Variants in GSG1L observed in about 807,000 individuals in gnomAD.
GSG1L encodes germ cell-specific gene 1-like protein.
Under a neutral mutation model 42.1 loss-of-function variants are expected in GSG1L, and 24 were observed. The ratio of observed to expected loss-of-function variants is 0.57; its 90% CI spans 0.41 to 0.80. The LOEUF is 0.80. Among genes scored for constraint, GSG1L ranks in the 30% least tolerant of loss-of-function variants. The probability of loss-of-function intolerance (pLI) is 0.00; values close to 1 mark genes in which losing one functional copy is unlikely to be tolerated. For missense variants in GSG1L, 445 were observed against 472.2 expected (o/e 0.94, Z 0.53); for synonymous variants, 215 against 203.5 (o/e 1.06, Z -0.48).
chr16:27,849,929 C>T (rs1481358160), intron 3 of GSG1L, among the ~76,000 whole-genome samples: 1 of 149,700 alleles, frequency 6.7e-6, no homozygotes, highest in African/African-American at 2.5e-5. Flanking sequence ...GTTTCAGCGT[C>T]TGGGCAGATG....
intron 1 of GSG1L, among the ~76,000 whole-genome samples, chr16:28,015,777 A>G (rs1468177897): frequency 2.0e-5 from 3 of 152,240 alleles, no homozygotes; most frequent in Non-Finnish European, 2.9e-5. Context: ...TCAGGACTTG[A>G]AAAACTGAAG....
chr16:27,967,733 A>G (rs1486649611), intron 1 of GSG1L, among the ~76,000 whole-genome samples: 1 of 152,140 alleles, frequency 6.6e-6, no homozygotes, highest in Non-Finnish European at 1.5e-5. Context: ...GCCAACACGG[A>G]GAAACCCCAT....
intron 4 of GSG1L, among the ~76,000 whole-genome samples, chr16:27,841,924 G>C (rs1184989673): frequency 6.6e-6 from 1 of 152,206 alleles, no homozygotes; most frequent in Non-Finnish European, 1.5e-5. Context: ...GACTCATGGG[G>C]AGGAACCAGT....
chr16:27,890,745 C>T (rs546353325), intron 2 of GSG1L, among the ~76,000 whole-genome samples: 6 of 152,196 alleles, frequency 3.9e-5, no homozygotes, highest in Admixed American at 6.5e-5. Context: ...GAAGGAATGT[C>T]CATGAGCTGG....
chr16:27,989,656 C>T (rs2085432509), intron 1 of GSG1L, among the ~76,000 whole-genome samples: 1 of 151,562 alleles, frequency 6.6e-6, no homozygotes, highest in Non-Finnish European at 1.5e-5. Context: ...ACGAGAATCA[C>T]TTGAACCCAG....
intron 2 of GSG1L, among the ~76,000 whole-genome samples, chr16:27,889,347 C>T (rs183667853): frequency 4.1e-4 from 63 of 152,072 alleles, no homozygotes; most frequent in African/African-American, 1.5e-3. Flanking sequence ...CGGGAGCATC[C>T]GTCTGAGAGT....
intron 3 of GSG1L, among the ~76,000 whole-genome samples, chr16:27,854,440 TA>T (rs1349208975): frequency 1.3e-5 from 2 of 152,114 alleles, no homozygotes; most frequent in Admixed American, 6.5e-5. Context: ...AGGGCTTCCC[TA>T]AAAGGCCGCC....
At chr16:27,821,405 G>A (rs1354555274) in intron 5 of GSG1L, among the ~76,000 whole-genome samples, 1 of 152,068 alleles carries the variant, frequency 6.6e-6, no homozygotes, top group Non-Finnish European at 1.5e-5. Context: ...CATAGTACCT[G>A]ATAGGTGGTT....
Position 27,815,146 on chromosome 16 carries a change from T to C in GSG1L, c.831-7592A>G, listed in dbSNP as rs545438927. 4.9e-4 allele frequency among the ~76,000 whole-genome samples: 75 copies of C among 152,264 alleles called. 1 individual carries two copies. Among genetic ancestry groups the C allele is most frequent in the African/African-American group, 1.8e-3 (74 of 41,556 alleles). On this transcript the variant is annotated intron_variant, in intron 5 of 6. Coordinates refer to ENST00000447459, the MANE Select transcript of GSG1L (RefSeq NM_001109763.2). Reference sequence around the variant, plus strand: ...GTGGTGTAAGAAACATCCACTGATATGGTTTGGATATTTGTCCCCTCTAAA... The same window carrying C: ...GTGGTGTAAGAAACATCCACTGATACGGTTTGGATATTTGTCCCCTCTAAA...
At chr16:27,883,457 T>C (rs2083986755) in intron 3 of GSG1L, among the ~76,000 whole-genome samples, 1 of 152,178 alleles carries the variant, frequency 6.6e-6, no homozygotes, top group Admixed American at 6.5e-5. Flanking sequence ...GATGACAGAT[T>C]GGCACATTTT....
intron 1 of GSG1L, among the ~76,000 whole-genome samples, chr16:27,970,654 A>G (rs963297355): frequency 5.9e-5 from 9 of 151,756 alleles, no homozygotes; most frequent in Non-Finnish European, 1.0e-4. Flanking sequence ...CTCCTGCCTC[A>G]GCCTCCCAAA....
Position 27,983,637 on chromosome 16 carries a change from G to C in GSG1L, c.350-20434C>G, listed in dbSNP as rs561069825. 3.3e-5 allele frequency among the ~76,000 whole-genome samples: 5 copies of C among 152,234 alleles called. No individual in the cohort carries two copies. The South Asian group carries it at 1.0e-3, about 32-fold the overall frequency. On this transcript the variant is annotated intron_variant, in intron 1 of 6. Coordinates refer to ENST00000447459, the MANE Select transcript of GSG1L (RefSeq NM_001109763.2). The stretch of plus-strand genomic sequence containing the variant: ...TATTTCTGCCCTTTTTCTAAATATA[G>C]AGATGGGGTCTCACTATGTTGCCCA...
chr16:28,053,871 G>A lies in GSG1L; in HGVS notation c.349+9205C>T, dbSNP rs185000466. Among the ~76,000 whole-genome samples the A allele has an allele frequency of 1.5e-3, 224 of 152,236 alleles. 1 individual carries two copies. Among genetic ancestry groups the A allele is most frequent in the African/African-American group, 5.0e-3 (208 of 41,536 alleles). ...TGTCCGGGTGTGCACCCAATGCGGT[G>A]CACGTGCCTCGATCTCCCTTTGCGT... On this transcript the variant is annotated intron_variant, in intron 1 of 6. Transcript: ENST00000447459.
Position 27,831,289 on chromosome 16 carries a change from T to A in GSG1L, c.663-2333A>T, listed in dbSNP as rs2083272100. On this transcript the variant is annotated intron_variant, in intron 4 of 6. Transcript: ENST00000447459. ...CTGGATCCCTGAGCTGAAGCCATTA[T>A]CCCTGAACTTTTCAATCATGGAAGT... Among the ~76,000 whole-genome samples the A allele has an allele frequency of 2.0e-5, 3 of 152,248 alleles. No individual in the cohort carries two copies. In the South Asian group the frequency reaches 6.2e-4, roughly 32 times the overall value.
Position 27,839,404 on chromosome 16 carries a change from G to A in GSG1L, c.662+5546C>T, listed in dbSNP as rs994894280. 2.0e-5 allele frequency among the ~76,000 whole-genome samples: 3 copies of A among 152,228 alleles called. 1 individual carries two copies. The highest frequency in any genetic ancestry group is 7.2e-5 in the African/African-American group (3 of 41,452). ...TGCTTGAGATAAGATTTCACTGTGT[G>A]TGCAGGAGTAAGAGGAGAACTTTTT... On this transcript the variant is annotated intron_variant, in intron 4 of 6. Transcript: ENST00000447459.
chr16:27,936,310 G>A (rs2084717312), intron 2 of GSG1L, among the ~76,000 whole-genome samples: 1 of 152,152 alleles, frequency 6.6e-6, no homozygotes, highest in Non-Finnish European at 1.5e-5. Flanking sequence ...GTTAGAGATG[G>A]AGCCTAATGG....
chr16:27,960,487 C>T (rs1031639794), intron 2 of GSG1L, among the ~76,000 whole-genome samples: 2 of 152,116 alleles, frequency 1.3e-5, no homozygotes, highest in African/African-American at 4.8e-5. Context: ...GGAGCCAGTG[C>T]GGGAGCCATA....
intron 2 of GSG1L, among the ~76,000 whole-genome samples, chr16:27,928,450 C>T (rs563728109): frequency 7.0e-4 from 106 of 152,272 alleles, no homozygotes; most frequent in African/African-American, 2.5e-3. Flanking sequence ...TCTCTGGGCC[C>T]CTCCAAGACG....
chr16:27,889,192 G>A (rs2084093880), intron 2 of GSG1L, among the ~76,000 whole-genome samples: 1 of 152,082 alleles, frequency 6.6e-6, no homozygotes, highest in South Asian at 2.1e-4. Flanking sequence ...GTCTCACTAT[G>A]TTGCTCAGGC....
Sources: gnomAD v4.1 joint callset for allele counts (sites outside exome capture counted in the v4.1 genomes callset) on GRCh38, gnomAD v4.1.1 for gene constraint, MANE v1.5 for transcripts, NCBI Gene and HGNC (gene_info 2026-07-23, HGNC 2026-07-21) for gene names.